The following BDH2 variants were observed in gnomAD, a reference collection of about 807,000 sequenced individuals.
The protein encoded by BDH2 is 3-hydroxybutyrate dehydrogenase 2, also known as dehydrogenase/reductase SDR family member 6.
A neutral mutation model predicts 33.2 loss-of-function variants in BDH2; 24 were observed. That is an observed-to-expected ratio of 0.72 (90% confidence interval 0.52 to 1.02). The LOEUF (loss-of-function observed/expected upper bound fraction) is 1.02, where lower values mean the gene tolerates loss of function less well. BDH2 is among the 50% of genes least tolerant of loss of function. BDH2 has a pLI of 0.00. For missense variants in BDH2, 249 were observed against 301.6 expected, an observed-to-expected ratio of 0.83 and a Z score of 1.29; for synonymous variants, 81 against 101.6, an observed-to-expected ratio of 0.80 and a Z score of 1.22.
Position 103,096,178 on chromosome 4 carries a change from C to T in BDH2, c.72+5G>A. On this transcript the variant is annotated splice_donor_5th_base_variant and intron_variant, in intron 2 of 9. Transcript: ENST00000296424. ...AAACAACAAAGATAGTAACTTATAA[C>T]TTACTAAGGCAGCTGCTTGGCCAAT... The T allele has an allele frequency of 6.2e-7, 1 of 1,603,598 alleles. No individual in the cohort carries two copies. The highest frequency in any genetic ancestry group is 8.5e-7 in the Non-Finnish European group (1 of 1,171,126).
intron 3 of BDH2, among the ~76,000 whole-genome samples, chr4:103,094,735 T>C (rs1430752425): frequency 1.3e-5 from 2 of 152,002 alleles, no homozygotes; most frequent in Non-Finnish European, 2.9e-5. Flanking sequence ...ATATTTTAGA[T>C]ATATTGGATA....
chr4:103,084,594 C>A (rs1343689208), intron 7 of BDH2, among the ~76,000 whole-genome samples: 1 of 152,194 alleles, frequency 6.6e-6, no homozygotes, highest in Non-Finnish European at 1.5e-5. Flanking sequence ...TAGCTAGACT[C>A]AAGTATCGCC....
chr4:103,081,056 C>T (rs1747500263), intron 9 of BDH2, among the ~76,000 whole-genome samples: 1 of 152,214 alleles, frequency 6.6e-6, no homozygotes, highest in Non-Finnish European at 1.5e-5. Context: ...TCGCTCCCGC[C>T]TAGTCCCCTT....
At chr4:103,096,999 A>G (rs1748441664) in intron 1 of BDH2, among the ~76,000 whole-genome samples, 1 of 151,738 alleles carries the variant, frequency 6.6e-6, no homozygotes, top group Admixed American at 6.6e-5. Context: ...CTGCTTCTTG[A>G]TTTCTCTTCC....
chr4:103,088,981 G>C (rs1747938057), intron 5 of BDH2, among the ~76,000 whole-genome samples: 1 of 152,142 alleles, frequency 6.6e-6, no homozygotes, highest in Non-Finnish European at 1.5e-5. Flanking sequence ...CTTCTCTTCT[G>C]GTGGAGCCTG....
At chr4:103,094,577 C>T (rs1015184462) in intron 3 of BDH2, among the ~76,000 whole-genome samples, 2 of 151,466 alleles carry the variant, frequency 1.3e-5, no homozygotes, top group East Asian at 3.9e-4. Context: ...CTCAATTATA[C>T]CTCAAAGAAG....
chr4:103,083,895 T>A (rs978401890), intron 7 of BDH2, among the ~76,000 whole-genome samples: 2 of 152,306 alleles, frequency 1.3e-5, no homozygotes, highest in East Asian at 3.9e-4. Context: ...TGGAACCCCC[T>A]CTTTAGGTTG....
At chr4:103,084,548 TTAC>T (rs2110698071) in intron 7 of BDH2, among the ~76,000 whole-genome samples, 1 of 152,364 alleles carries the variant, frequency 6.6e-6, no homozygotes, top group South Asian at 2.1e-4. Context: ...CCAAATCATT[TTAC>T]CACTTATTCC....
In BDH2 at chr4:103,079,116, C is replaced by A. The variant is rs1380068776; in HGVS notation, c.*586G>T. ...CACCCCAGAGTCATGTGTTGACATC[C>A]TAACCTGCAATATGATACATTAGGA... On this transcript the variant is annotated 3_prime_UTR_variant, in exon 10 of 10. Coordinates refer to ENST00000296424, the MANE Select transcript of BDH2 (RefSeq NM_020139.4). Among the ~76,000 whole-genome samples, 1 of 152,176 alleles carries A rather than the reference C, an allele frequency of 6.6e-6. No individual in the cohort carries two copies. Among genetic ancestry groups the A allele is most frequent in the Admixed American group, 6.5e-5 (1 of 15,284 alleles).
At chr4:103,096,496 C>T (rs1290994479) in intron 1 of BDH2, among the ~76,000 whole-genome samples, 2 of 151,600 alleles carry the variant, frequency 1.3e-5, no homozygotes, top group South Asian at 4.2e-4. Context: ...TTTACCATAA[C>T]CCACTGAAGT....
At position 103,084,671 on chromosome 4, in the gene BDH2, G is replaced by A. The variant is rs139302658; in HGVS notation, c.532+678C>T. ...TCTTCTTTTTCTTAGCGTTACCTAC[G>A]TTTACATTTCTGTTCCAAGAAAAAT... On this transcript the variant is annotated intron_variant, in intron 7 of 9. Transcript: ENST00000296424. 2.2e-3 allele frequency among the ~76,000 whole-genome samples: 336 copies of A among 152,250 alleles called. 2 individuals carry two copies. Among genetic ancestry groups the A allele is most frequent in the African/African-American group, 7.8e-3 (322 of 41,542 alleles).
rs778019559 is a variant in BDH2 at position 103,095,239 on chromosome 4, TA to T, written c.114del (p.Asn39MetfsTer64). The T allele has an allele frequency of 3.1e-6, 5 of 1,613,880 alleles. No individual in the cohort carries two copies. In the East Asian group the frequency reaches 6.7e-5, roughly 22 times the overall value. Reference sequence around the variant, plus strand: ...TCCAGTTCCTGAAGTTTGGACTCATTAATGTCTGTGGCTATGACTTTGGCAC... The same window carrying T: ...TCCAGTTCCTGAAGTTTGGACTCATTATGTCTGTGGCTATGACTTTGGCAC... ...REGAKVIATD[I>X]NESKLQELEK... On this transcript the variant is annotated frameshift_variant, in exon 3 of 10. Coordinates refer to ENST00000296424, the MANE Select transcript of BDH2 (RefSeq NM_020139.4).
chr4:103,085,603 A>AT (rs1747743485), intron 6 of BDH2, 141 bp from the exon 7 acceptor site: 1 of 1,460,368 alleles, frequency 6.8e-7, no homozygotes, highest in Non-Finnish European at 9.2e-7. Context: ...TTGATATCAG[A>AT]TTTTTTTCCT....
At position 103,078,774 on chromosome 4, in the gene BDH2, T is replaced by TTATTATTATTATTA. The variant is rs1747366169; in HGVS notation, c.*927_*928insTAATAATAATAATA. Among the ~76,000 whole-genome samples the TTATTATTATTATTA allele has an allele frequency of 6.6e-6, 1 of 152,148 alleles. No homozygotes were observed. The highest frequency in any genetic ancestry group is 2.4e-5 in the African/African-American group (1 of 41,424). ...AATGAAGTGGAAATTATTATTATTA[T>TTATTATTATTATTA]TTAGGTACAGGGTCTTGCTCTGTCA... On this transcript the variant is annotated 3_prime_UTR_variant, in exon 10 of 10. Transcript: ENST00000296424.
chr4:103,098,512 T>G (rs1214614997), intron 1 of BDH2: 1 of 152,190 alleles, frequency 6.6e-6, no homozygotes, highest in Non-Finnish European at 1.5e-5. Flanking sequence ...TCTCTGGGTT[T>G]GTGCTGAGGC....
chr4:103,097,108 G>A (rs1040193442), intron 1 of BDH2, among the ~76,000 whole-genome samples: 8 of 151,184 alleles, frequency 5.3e-5, no homozygotes, highest in Non-Finnish European at 1.2e-4. Context: ...AAAAAAAAAA[G>A]GATGGAAAAA....
At position 103,078,718 on chromosome 4, in the gene BDH2, A is replaced by C. The variant is rs1172033180; in HGVS notation, c.*984T>G. On this transcript the variant is annotated 3_prime_UTR_variant, in exon 10 of 10. Coordinates refer to ENST00000296424, the MANE Select transcript of BDH2 (RefSeq NM_020139.4). Reference sequence around the variant, plus strand: ...TTAGGATCTACATACAGAACAATGCAGAATTATATAAAAATATTTGAATAT... The same window carrying C: ...TTAGGATCTACATACAGAACAATGCCGAATTATATAAAAATATTTGAATAT... Among the ~76,000 whole-genome samples the C allele has an allele frequency of 6.6e-6, 1 of 152,214 alleles. No individual in the cohort carries two copies. The highest frequency in any genetic ancestry group is 1.5e-5 in the Non-Finnish European group (1 of 68,022).
chr4:103,084,972 A>G (rs1388771822), intron 7 of BDH2, among the ~76,000 whole-genome samples: 1 of 152,170 alleles, frequency 6.6e-6, no homozygotes, highest in Non-Finnish European at 1.5e-5. Flanking sequence ...ATATGCAATC[A>G]TTTCTTTTTA....
At chr4:103,092,404 A>G in intron 4 of BDH2, 196 bp downstream of exon 4, 1 of 582,602 alleles carries the variant, frequency 1.7e-6, no homozygotes, top group Admixed American at 3.0e-5. Flanking sequence ...TTTGCCCCAG[A>G]TCATGTCAAA....
Sources: allele counts gnomAD v4.1 joint callset (sites outside exome capture counted in the v4.1 genomes callset), GRCh38; gene constraint gnomAD v4.1.1; transcripts MANE v1.5; gene names NCBI Gene and HGNC (gene_info 2026-07-23, HGNC 2026-07-21).